VOPP1: variants seen among roughly 807,000 people sequenced by gnomAD.
VOPP1 encodes the protein WW domain binding protein VOPP1.
In VOPP1, 8 loss-of-function variants were observed where a neutral mutation model predicts 23.5. That is an observed-to-expected ratio of 0.34 (90% CI 0.20 to 0.61). The LOEUF (loss-of-function observed/expected upper bound fraction) is 0.61, where lower values mean the gene tolerates loss of function less well. Among genes scored for constraint, VOPP1 ranks in the 20% least tolerant of loss-of-function variants. The pLI, the probability that VOPP1 is intolerant of heterozygous loss-of-function variation, is 0.78. For missense variants in VOPP1, 174 were observed against 238.1 expected (o/e 0.73, Z 1.77); for synonymous variants, 83 against 97.3 (o/e 0.85, Z 0.86).
chr7:55,534,951 A>G (rs1796698575), intron 1 of VOPP1, among the ~76,000 whole-genome samples: 1 of 152,230 alleles, frequency 6.6e-6, no homozygotes, highest in Non-Finnish European at 1.5e-5. Context: ...GGCTGGCATC[A>G]AAAGCCAGGG....
At chr7:55,571,715 G>C (rs1170478174) in intron 1 of VOPP1, 3 of 152,442 alleles carry the variant, frequency 2.0e-5, no homozygotes, top group Non-Finnish European at 4.4e-5. Flanking sequence ...GCACCTAAAG[G>C]CTGCACTTCA....
At chr7:55,458,172 G>A (rs1011559604) in intron 4 of VOPP1, among the ~76,000 whole-genome samples, 5 of 152,172 alleles carry the variant, frequency 3.3e-5, no homozygotes, top group East Asian at 1.9e-4. Context: ...ACCCTTTATC[G>A]AAGAGGGTAT....
At chr7:55,509,995 C>T (rs117067707) in intron 2 of VOPP1, among the ~76,000 whole-genome samples, 1,673 of 152,258 alleles carry the variant, frequency 0.011, 11 homozygotes, top group Middle Eastern at 0.02. Context: ...AGGACCGTGT[C>T]GTCATACTGT....
At chr7:55,486,135 TG>T (rs1793126495) in intron 4 of VOPP1, among the ~76,000 whole-genome samples, 1 of 152,204 alleles carries the variant, frequency 6.6e-6, no homozygotes, top group Admixed American at 6.5e-5. Flanking sequence ...CAGAGGACAG[TG>T]GGCAAGGGAC....
At chr7:55,446,680 T>C (rs1174043329) in intron 4 of VOPP1, among the ~76,000 whole-genome samples, 1 of 152,224 alleles carries the variant, frequency 6.6e-6, no homozygotes, top group Non-Finnish European at 1.5e-5. Context: ...CAGACTCATA[T>C]ATCAGAGTTG....
At chr7:55,537,391 G>A in intron 1 of VOPP1, 23 of 1,444,586 alleles carry the variant, frequency 1.6e-5, no homozygotes, top group Non-Finnish European at 2.2e-5. Flanking sequence ...TCGTGCTCCA[G>A]CCTTCTGGAG....
downstream of VOPP1, among the ~76,000 whole-genome samples, chr7:55,467,604 AT>A (rs1316381089): frequency 6.6e-6 from 1 of 152,176 alleles, no homozygotes; most frequent in Non-Finnish European, 1.5e-5. Flanking sequence ...GCTGTTACAG[AT>A]TTTTTGAAGT....
intron 1 of VOPP1, among the ~76,000 whole-genome samples, chr7:55,531,532 A>G (rs928936593): frequency 3.9e-5 from 6 of 151,956 alleles, no homozygotes; most frequent in African/African-American, 1.5e-4. Context: ...TTGTATTTTT[A>G]GTAGAGATGG....
At chr7:55,436,653 T>TGTGTGCGTGTGTGCGTGC (rs1562875130) in intron 4 of VOPP1, among the ~76,000 whole-genome samples, 2 of 140,104 alleles carry the variant, frequency 1.4e-5, no homozygotes, top group Non-Finnish European at 3.2e-5. Context: ...TGCGTGGGTG[T>TGTGTGCGTGTGTGCGTGC]GTGTGCGTGT....
chr7:55,507,517 A>G (rs1029349565), intron 2 of VOPP1, among the ~76,000 whole-genome samples: 7 of 152,236 alleles, frequency 4.6e-5, no homozygotes, highest in African/African-American at 1.4e-4. Context: ...TACCACCACA[A>G]TGAAAGTCTA....
chr7:55,569,101 G>C, intron 1 of VOPP1, among the ~76,000 whole-genome samples: 1 of 152,340 alleles, frequency 6.6e-6, no homozygotes, highest in Non-Finnish European at 1.5e-5. Context: ...CTCACTGGCT[G>C]TGCATGTAAT....
chr7:55,544,889 T>C (rs1797299037), intron 1 of VOPP1, among the ~76,000 whole-genome samples: 1 of 152,256 alleles, frequency 6.6e-6, no homozygotes, highest in African/African-American at 2.4e-5. Context: ...AAAATAATGA[T>C]GATACTAAAT....
At chr7:55,534,939 G>C (rs1257899600) in intron 1 of VOPP1, among the ~76,000 whole-genome samples, 1 of 152,216 alleles carries the variant, frequency 6.6e-6, no homozygotes, top group Non-Finnish European at 1.5e-5. Flanking sequence ...CACCACAAAG[G>C]AGGCTGGCAT....
At chr7:55,492,134 C>T in intron 4 of VOPP1, 148 bp downstream of exon 4, 1 of 1,165,560 alleles carries the variant, frequency 8.6e-7, no homozygotes, top group Non-Finnish European at 1.2e-6. Flanking sequence ...CACAAATGCA[C>T]AATGGAGCTG....
intron 1 of VOPP1, among the ~76,000 whole-genome samples, chr7:55,535,354 CTGAT>C (rs1281835335): frequency 6.6e-6 from 1 of 152,204 alleles, no homozygotes; most frequent in African/African-American, 2.4e-5. Flanking sequence ...GTGGGGCTGA[CTGAT>C]CAGGGCAAAG....
At chr7:55,473,572 G>A (rs1297463592) in intron 4 of VOPP1, among the ~76,000 whole-genome samples, 1 of 152,182 alleles carries the variant, frequency 6.6e-6, no homozygotes, top group Non-Finnish European at 1.5e-5. Flanking sequence ...TGGGTCAGGA[G>A]CGGAGCCGCA....
chr7:55,514,073 G>A (rs754800077), intron 2 of VOPP1, among the ~76,000 whole-genome samples: 24 of 152,220 alleles, frequency 1.6e-4, no homozygotes, highest in African/African-American at 5.1e-4. Flanking sequence ...GACTGGGAGC[G>A]GCGCCCTTTC....
chr7:55,440,690 A>G, intron 4 of VOPP1, among the ~76,000 whole-genome samples: 1 of 152,244 alleles, frequency 6.6e-6, no homozygotes, highest in Non-Finnish European at 1.5e-5. Flanking sequence ...CCTGGGAGGG[A>G]GCACAAGCGT....
intron 4 of VOPP1, among the ~76,000 whole-genome samples, chr7:55,457,268 T>C (rs1337694024): frequency 6.6e-6 from 1 of 152,230 alleles, no homozygotes; most frequent in African/African-American, 2.4e-5. Context: ...TGGAATTTCA[T>C]TTTTTAATGT....
Sources: allele counts gnomAD v4.1 joint callset (sites outside exome capture counted in the v4.1 genomes callset), GRCh38; gene constraint gnomAD v4.1.1; transcripts MANE v1.5; gene names NCBI Gene and HGNC (gene_info 2026-07-23, HGNC 2026-07-21).